GRM5: variants seen among roughly 807,000 people sequenced by gnomAD.
GRM5 encodes metabotropic glutamate receptor 5.
In GRM5, 19 loss-of-function variants were observed where a neutral mutation model predicts 83.1. The ratio of observed to expected loss-of-function variants is 0.23; its 90% CI spans 0.16 to 0.34. GRM5 has a LOEUF of 0.34. Ranked by LOEUF, GRM5 falls within the 10% of genes least tolerant of loss-of-function variation. The pLI is 1.00. For synonymous variants in GRM5, 675 were observed against 633.6 expected (o/e 1.07, Z -0.98); for missense variants, 1,160 against 1,588.3 (o/e 0.73, Z 4.58).
intron 7 of GRM5, among the ~76,000 whole-genome samples, chr11:88,574,820 A>G (rs1943072705): frequency 6.6e-6 from 1 of 152,108 alleles, no homozygotes; most frequent in Non-Finnish European, 1.5e-5. Flanking sequence ...ATTTTTTATG[A>G]CTGATTAATC....
At chr11:88,965,076 C>T (rs1006298283) in intron 2 of GRM5, among the ~76,000 whole-genome samples, 3 of 152,162 alleles carry the variant, frequency 2.0e-5, no homozygotes, top group Non-Finnish European at 4.4e-5. Flanking sequence ...GTTATAAACA[C>T]ACCAATTACA....
At chr11:88,564,782 G>A (rs1942836684) in intron 8 of GRM5, among the ~76,000 whole-genome samples, 1 of 152,182 alleles carries the variant, frequency 6.6e-6, no homozygotes, top group Admixed American at 6.5e-5. Flanking sequence ...CATCCCTAAG[G>A]AGCTTGCTCT....
At chr11:88,810,299 G>T (rs552579144) in intron 3 of GRM5, among the ~76,000 whole-genome samples, 1 of 152,034 alleles carries the variant, frequency 6.6e-6, no homozygotes, top group Non-Finnish European at 1.5e-5. Flanking sequence ...AAAAACTTGG[G>T]CTGGCTCTTG....
At chr11:89,022,080 A>T (rs2135109902) in intron 2 of GRM5, among the ~76,000 whole-genome samples, 1 of 152,278 alleles carries the variant, frequency 6.6e-6, no homozygotes, top group South Asian at 2.1e-4. Context: ...TCCCCAGCAT[A>T]TCACATGGGG....
chr11:88,896,462 C>T (rs773007983), intron 2 of GRM5, among the ~76,000 whole-genome samples: 2 of 151,122 alleles, frequency 1.3e-5, no homozygotes, highest in Non-Finnish European at 3.0e-5. Context: ...TAGGGTTCAA[C>T]AGAGAATCAG....
chr11:88,654,214 C>T (rs566890320), intron 3 of GRM5, among the ~76,000 whole-genome samples: 2 of 152,016 alleles, frequency 1.3e-5, no homozygotes, highest in South Asian at 2.1e-4. Flanking sequence ...TCAGAGGGCT[C>T]ATAATATAAT....
At chr11:88,648,930 T>G (rs1939544580) in intron 4 of GRM5, among the ~76,000 whole-genome samples, 1 of 149,164 alleles carries the variant, frequency 6.7e-6, no homozygotes, top group Admixed American at 6.7e-5. Flanking sequence ...AAGAGGAAAT[T>G]TTTAAACTGA....
At chr11:88,708,882 C>G (rs1371778001) in intron 3 of GRM5, among the ~76,000 whole-genome samples, 1 of 151,954 alleles carries the variant, frequency 6.6e-6, no homozygotes, top group Admixed American at 6.6e-5. Context: ...CTAATACGAA[C>G]CAGACATTGT....
At chr11:88,870,534 T>C (rs1944747313) in intron 2 of GRM5, among the ~76,000 whole-genome samples, 1 of 151,504 alleles carries the variant, frequency 6.6e-6, no homozygotes, top group Admixed American at 6.6e-5. Context: ...TGGTGTTTGG[T>C]ACCATATTTT....
In GRM5 at chr11:88,743,130, A is replaced by G. The variant is rs372681081; in HGVS notation, c.912-89727T>C. 1.2e-3 allele frequency among the ~76,000 whole-genome samples: 181 copies of G among 152,258 alleles called. 1 individual carries two copies. Among genetic ancestry groups the G allele is most frequent in the South Asian group, 0.011 (55 of 4,830 alleles). ...TTTAGCCCTGTTTTATAGAAACCCC[A>G]TGTCTGTTCTTGCATGGGCTATTAC... On this transcript the variant is annotated intron_variant, in intron 3 of 9. Coordinates refer to ENST00000305447, the MANE Select transcript of GRM5 (RefSeq NM_001143831.3).
At chr11:88,681,602 C>T (rs1220300851) in intron 3 of GRM5, among the ~76,000 whole-genome samples, 10 of 21,296 alleles carry the variant, frequency 4.7e-4, no homozygotes, top group South Asian at 6.1e-3. Context: ...GATGGAGTCT[C>T]GCTCTGTCAC....
At chr11:88,648,400 A>G (rs1372369640) in intron 4 of GRM5, among the ~76,000 whole-genome samples, 1 of 141,428 alleles carries the variant, frequency 7.1e-6, no homozygotes, top group East Asian at 2.1e-4. Context: ...AACTATCGCA[A>G]GAACAAAAAA....
chr11:88,973,021 GA>G (rs1939215079), intron 2 of GRM5, among the ~76,000 whole-genome samples: 1 of 151,872 alleles, frequency 6.6e-6, no homozygotes, highest in African/African-American at 2.4e-5. Flanking sequence ...TAAAGACAAA[GA>G]AAAAATAAGG....
intron 9 of GRM5, among the ~76,000 whole-genome samples, chr11:88,519,337 T>C (rs1293972692): frequency 2.0e-5 from 3 of 152,012 alleles, no homozygotes; most frequent in South Asian, 2.1e-4. Context: ...GGAGAACATA[T>C]GTACAGAAGC....
intron 3 of GRM5, among the ~76,000 whole-genome samples, chr11:88,741,239 T>C (rs1188283633): frequency 6.6e-6 from 1 of 151,946 alleles, no homozygotes; most frequent in Non-Finnish European, 1.5e-5. Flanking sequence ...TCAGGCAAAC[T>C]ACAGAGTACA....
chr11:88,697,567 A>G (rs1940932150), intron 3 of GRM5, among the ~76,000 whole-genome samples: 1 of 152,220 alleles, frequency 6.6e-6, no homozygotes, highest in South Asian at 2.1e-4. Context: ...CATTATAAAG[A>G]TTTAGTGGTT....
Position 88,664,511 on chromosome 11 carries a change from A to T in GRM5, c.912-11108T>A, listed in dbSNP as rs899730518. Among the ~76,000 whole-genome samples the T allele has an allele frequency of 3.8e-4, 57 of 151,994 alleles. 1 individual carries two copies. Among genetic ancestry groups the T allele is most frequent in the Admixed American group, 3.7e-3 (57 of 15,258 alleles). On this transcript the variant is annotated intron_variant, in intron 3 of 9. Transcript: ENST00000305447. The stretch of plus-strand genomic sequence containing the variant: ...GCCCAGGCTGGAATGCAATGGCATG[A>T]TCTTGGCTCACTGCAACTTCCGCCT...
chr11:88,817,110 A>G (rs1943706680), intron 3 of GRM5, among the ~76,000 whole-genome samples: 1 of 152,184 alleles, frequency 6.6e-6, no homozygotes, highest in Non-Finnish European at 1.5e-5. Flanking sequence ...ATTAAACTAA[A>G]GAACCAAAAT....
In GRM5 at chr11:88,590,610, C is replaced by G. The variant is rs566377186; in HGVS notation, c.1681G>C (p.Asp561His). The G allele has an allele frequency of 1.9e-6, 3 of 1,611,808 alleles. No homozygotes were observed. Among genetic ancestry groups the G allele is most frequent in the Non-Finnish European group, 2.5e-6 (3 of 1,178,032 alleles). ...ACQLGSWPTD[D>H]LTGCDLIPVQ... ...GATTGTGATAGATTACCTGTGAGAT[C>G]ATCAGTGGGCCAAGACCCCAGTTGG... Residue 561 changes from aspartate (D) to histidine (H), a missense_variant, in exon 7 of 10, where the codon GAT becomes CAT. By Grantham distance (81) the Asp-to-His change is moderately conservative (BLOSUM62 -1). This residue lies in a region of GRM5 where 132 missense variants were observed against 245.5 expected (regional missense o/e 0.54). Coordinates refer to ENST00000305447, the MANE Select transcript of GRM5 (RefSeq NM_001143831.3).
Sources: allele counts gnomAD v4.1 joint callset (sites outside exome capture counted in the v4.1 genomes callset), GRCh38; gene constraint gnomAD v4.1.1; regional missense constraint gnomAD v4.1.1; transcripts MANE v1.5; gene names NCBI Gene and HGNC (gene_info 2026-07-23, HGNC 2026-07-21).